ADAM17: variants seen among roughly 807,000 people sequenced by gnomAD.
The protein encoded by ADAM17 is ADAM metallopeptidase domain 17.
In ADAM17, 39 loss-of-function variants were observed where a neutral mutation model predicts 96.7. That is an observed-to-expected ratio of 0.40 (90% CI 0.31 to 0.53). The LOEUF is 0.53. Ranked by LOEUF, ADAM17 falls within the 20% of genes least tolerant of loss-of-function variation. ADAM17 has a pLI of 0.44. For missense variants in ADAM17, 777 were observed against 1,013.2 expected (o/e 0.77, Z 3.17); for synonymous variants, 344 against 359.2 (o/e 0.96, Z 0.48).
At chr2:9,548,489 A>G (rs926616922) in intron 1 of ADAM17, among the ~76,000 whole-genome samples, 3 of 152,140 alleles carry the variant, frequency 2.0e-5, no homozygotes, top group Admixed American at 6.6e-5. Context: ...GATTAAAAAA[A>G]AAAAAAAGAA....
Position 9,547,137 on chromosome 2 carries a change from GT to G in ADAM17, c.98-3853del, listed in dbSNP as rs549486919. Reference sequence around the variant, plus strand: ...TTTTTTGTCATCTGCATTTTTTGTTGTTTTTGCTTTTTGTTGTTTTGTTATG... The same window carrying G: ...TTTTTTGTCATCTGCATTTTTTGTTGTTTTGCTTTTTGTTGTTTTGTTATG... On this transcript the variant is annotated intron_variant, in intron 1 of 18. Coordinates refer to ENST00000310823, the MANE Select transcript of ADAM17 (RefSeq NM_003183.6). Among the ~76,000 whole-genome samples the G allele has an allele frequency of 3.4e-3, 510 of 152,198 alleles. 2 individuals are homozygous for G. Among genetic ancestry groups the G allele is most frequent in the Non-Finnish European group, 6.3e-3 (427 of 67,992 alleles).
intron 1 of ADAM17, among the ~76,000 whole-genome samples, chr2:9,548,381 T>G (rs1665478647): frequency 1.3e-5 from 2 of 151,318 alleles, no homozygotes; most frequent in African/African-American, 4.9e-5. Flanking sequence ...GAGAATGGGC[T>G]AGAGGGGAAC....
chr2:9,499,536 G>A (rs1382495753), intron 13 of ADAM17, among the ~76,000 whole-genome samples: 1 of 152,036 alleles, frequency 6.6e-6, no homozygotes, highest in Admixed American at 6.6e-5. Context: ...CAAGTAGCTG[G>A]GACTACAGGC....
chr2:9,538,380 T>A (rs1170272416), intron 2 of ADAM17, among the ~76,000 whole-genome samples: 1 of 152,186 alleles, frequency 6.6e-6, no homozygotes, highest in Non-Finnish European at 1.5e-5. Context: ...TTTTTGAGCA[T>A]AACAAGGTAA....
At chr2:9,504,879 CTTAT>C (rs1663288508) in intron 12 of ADAM17, among the ~76,000 whole-genome samples, 1 of 151,354 alleles carries the variant, frequency 6.6e-6, no homozygotes. Flanking sequence ...TTCTTCTTTT[CTTAT>C]TTGTTTTTTG....
At chr2:9,528,560 A>G (rs1041051661) in intron 4 of ADAM17, among the ~76,000 whole-genome samples, 2 of 152,262 alleles carry the variant, frequency 1.3e-5, no homozygotes, top group African/African-American at 4.8e-5. Context: ...GCCAGAGTAA[A>G]TCACAATTAA....
rs547394870 is a variant in ADAM17, at chr2:9,555,767, C to G, written c.-162G>C. 3.6e-6 allele frequency: 2 copies of G among 550,888 alleles called. No individual in the cohort carries two copies. The highest frequency in any genetic ancestry group is 6.7e-5 in the East Asian group (2 of 29,914). The allele number at this position is 550,888 out of a possible 1,614,324, so 34.1% of individuals were successfully genotyped here. A position where few individuals can be genotyped will look rare whatever the true frequency, so the allele number is the denominator to read the frequency against. ...ACTGGGAAGATTCTACCGCCAGGCT[C>G]GACGCCCCCAGAAGTGCAGGTGGCG... On this transcript the variant is annotated 5_prime_UTR_variant, in exon 1 of 19. Coordinates refer to ENST00000310823, the MANE Select transcript of ADAM17 (RefSeq NM_003183.6).
intron 4 of ADAM17, among the ~76,000 whole-genome samples, chr2:9,531,485 T>C (rs1397609308): frequency 6.6e-6 from 1 of 151,232 alleles, no homozygotes; most frequent in African/African-American, 2.4e-5. Context: ...GTGGATCACC[T>C]GAGACCAGGA....
At chr2:9,540,084 A>C (rs1665146391) in intron 2 of ADAM17, among the ~76,000 whole-genome samples, 1 of 152,230 alleles carries the variant, frequency 6.6e-6, no homozygotes, top group South Asian at 2.1e-4. Context: ...GTCATCTACG[A>C]AACTTGAAAG....
intron 13 of ADAM17, among the ~76,000 whole-genome samples, chr2:9,500,092 G>C (rs1319371396): frequency 5.4e-5 from 2 of 37,292 alleles, no homozygotes; most frequent in Non-Finnish European, 9.1e-5. Context: ...AAAACTCATA[G>C]ATAAATGTTC....
At chr2:9,520,406 C>G (rs1664257640) in intron 8 of ADAM17, among the ~76,000 whole-genome samples, 1 of 152,084 alleles carries the variant, frequency 6.6e-6, no homozygotes, top group African/African-American at 2.4e-5. Flanking sequence ...AGATTAATCG[C>G]CAGAATAAAA....
At chr2:9,490,566 G>A (rs1187960088) in intron 18 of ADAM17, 48 bp from the exon 19 acceptor site, 3 of 1,531,390 alleles carry the variant, frequency 2.0e-6, no homozygotes, top group Non-Finnish European at 2.7e-6. Context: ...AAGATGAATC[G>A]GAGGTCCTCA....
intron 14 of ADAM17, among the ~76,000 whole-genome samples, chr2:9,495,624 G>A (rs1662517065): frequency 6.6e-6 from 1 of 150,886 alleles, no homozygotes; most frequent in Admixed American, 6.6e-5. Context: ...TGAGGCACGA[G>A]AATCACTTGA....
At chr2:9,555,218 C>A (rs1425990790) in intron 1 of ADAM17, among the ~76,000 whole-genome samples, 2 of 152,158 alleles carry the variant, frequency 1.3e-5, no homozygotes, top group African/African-American at 4.8e-5. Context: ...CTACTCCTTA[C>A]CGCTTTCCCA....
At chr2:9,531,593 T>C (rs186257461) in intron 4 of ADAM17, among the ~76,000 whole-genome samples, 7 of 152,116 alleles carry the variant, frequency 4.6e-5, no homozygotes, top group African/African-American at 1.7e-4. Flanking sequence ...TCCCAGCTAC[T>C]TGGGAGGCTG....
At chr2:9,531,437 C>T (rs1664734718) in intron 4 of ADAM17, among the ~76,000 whole-genome samples, 1 of 152,132 alleles carries the variant, frequency 6.6e-6, no homozygotes, top group Non-Finnish European at 1.5e-5. Context: ...TGCAGTGGCT[C>T]ATGCCTGTAA....
intron 1 of ADAM17, among the ~76,000 whole-genome samples, chr2:9,554,940 A>C (rs1358717658): frequency 6.6e-6 from 1 of 152,116 alleles, no homozygotes; most frequent in Admixed American, 6.6e-5. Context: ...CCAATAAGCT[A>C]CAATTGAAAT....
At chr2:9,502,681 T>C (rs1057263593) in intron 12 of ADAM17, among the ~76,000 whole-genome samples, 2 of 151,760 alleles carry the variant, frequency 1.3e-5, no homozygotes, top group African/African-American at 4.8e-5. Context: ...GAGTTCGAGA[T>C]GAGCCTGGCC....
At chr2:9,539,771 T>G (rs760180109) in intron 2 of ADAM17, among the ~76,000 whole-genome samples, 1 of 152,240 alleles carries the variant, frequency 6.6e-6, no homozygotes, top group Non-Finnish European at 1.5e-5. Context: ...CTTTGGAGTC[T>G]GACAAACTTG....
Sources: gnomAD v4.1 joint callset for allele counts (sites outside exome capture counted in the v4.1 genomes callset) on GRCh38, gnomAD v4.1.1 for gene constraint, MANE v1.5 for transcripts, NCBI Gene and HGNC (gene_info 2026-07-23, HGNC 2026-07-21) for gene names.